SLC35F4: variants seen among roughly 807,000 people sequenced by gnomAD.
The protein encoded by SLC35F4 is chromosome 14 open reading frame 36.
A neutral mutation model predicts 44.2 loss-of-function variants in SLC35F4; 24 were observed. The observed-to-expected ratio is 0.54, with a 90% confidence interval of 0.39 to 0.76. The LOEUF (loss-of-function observed/expected upper bound fraction) is 0.76, where lower values mean the gene tolerates loss of function less well. Among genes scored for constraint, SLC35F4 ranks in the 30% least tolerant of loss-of-function variants. The probability of loss-of-function intolerance (pLI) is 0.00; values close to 1 mark genes in which losing one functional copy is unlikely to be tolerated. For missense variants in SLC35F4, 562 were observed against 586.1 expected, an observed-to-expected ratio of 0.96 and a Z score of 0.42; for synonymous variants, 238 against 223.6, an observed-to-expected ratio of 1.06 and a Z score of -0.57.
intron 1 of SLC35F4, among the ~76,000 whole-genome samples, chr14:57,817,719 G>A (rs538229187): frequency 2.6e-5 from 4 of 152,210 alleles, no homozygotes; most frequent in African/African-American, 9.6e-5. Context: ...TTCTGGCAAA[G>A]CCACCTGATT....
intron 1 of SLC35F4, among the ~76,000 whole-genome samples, chr14:57,977,272 G>A (rs949259085): frequency 3.3e-5 from 5 of 152,190 alleles, no homozygotes; most frequent in Non-Finnish European, 4.4e-5. Context: ...AAAGAGGACT[G>A]CAGCAGATGA....
chr14:57,842,187 G>GA (rs559229635), intron 1 of SLC35F4, among the ~76,000 whole-genome samples: 7 of 152,226 alleles, frequency 4.6e-5, no homozygotes, highest in Middle Eastern at 6.8e-3. Flanking sequence ...TAGGCTATTA[G>GA]AAAAAACTCA....
At chr14:57,880,611 G>T (rs191105294) in intron 1 of SLC35F4, among the ~76,000 whole-genome samples, 15 of 152,246 alleles carry the variant, frequency 9.9e-5, no homozygotes, top group Non-Finnish European at 2.1e-4. Context: ...TTTCTCTGAA[G>T]ATACAACATT....
At chr14:57,965,788 C>G (rs1353456970) in intron 1 of SLC35F4, among the ~76,000 whole-genome samples, 1 of 152,108 alleles carries the variant, frequency 6.6e-6, no homozygotes, top group Non-Finnish European at 1.5e-5. Context: ...GTCCATAAAC[C>G]TATTTGCCCT....
intron 1 of SLC35F4, among the ~76,000 whole-genome samples, chr14:57,763,756 G>A (rs2077176630): frequency 6.6e-6 from 1 of 152,060 alleles, no homozygotes; most frequent in Non-Finnish European, 1.5e-5. Flanking sequence ...TCCATATTAT[G>A]GTAGCTTGTA....
chr14:57,674,780 G>A (rs1027056011), intron 1 of SLC35F4, among the ~76,000 whole-genome samples: 10 of 152,022 alleles, frequency 6.6e-5, no homozygotes, highest in Admixed American at 5.2e-4. Flanking sequence ...GCATTTTCTT[G>A]AGCTGATTTC....
At chr14:57,648,451 C>T (rs1251334052) in intron 1 of SLC35F4, among the ~76,000 whole-genome samples, 1 of 152,056 alleles carries the variant, frequency 6.6e-6, no homozygotes, top group Non-Finnish European at 1.5e-5. Context: ...AATATGAAAA[C>T]AATATGTCAT....
chr14:57,813,062 G>A (rs1395370888), intron 1 of SLC35F4, among the ~76,000 whole-genome samples: 1 of 152,176 alleles, frequency 6.6e-6, no homozygotes, highest in Non-Finnish European at 1.5e-5. Context: ...CTTTTTCTCA[G>A]ATGAGGAAAC....
intron 1 of SLC35F4, among the ~76,000 whole-genome samples, chr14:57,944,778 AAAAAG>A (rs1889991889): frequency 6.6e-6 from 1 of 151,880 alleles, no homozygotes; most frequent in Admixed American, 6.6e-5. Context: ...AAAGAAAAGA[AAAAAG>A]AAAAGAAGAA....
intron 1 of SLC35F4, among the ~76,000 whole-genome samples, chr14:57,756,664 T>C (rs1456627066): frequency 6.6e-6 from 1 of 152,104 alleles, no homozygotes; most frequent in Non-Finnish European, 1.5e-5. Flanking sequence ...TCTGTTATTT[T>C]TGTTTTTTGA....
intron 1 of SLC35F4, among the ~76,000 whole-genome samples, chr14:57,687,766 G>A (rs937123991): frequency 3.3e-5 from 5 of 152,106 alleles, no homozygotes; most frequent in African/African-American, 1.2e-4. Context: ...AGGAACTAAT[G>A]AGCTATTAGT....
chr14:57,939,400 C>A lies in SLC35F4; in HGVS notation n.282+42513G>T, dbSNP rs527320533. Among the ~76,000 whole-genome samples the A allele has an allele frequency of 3.3e-5, 5 of 152,236 alleles. No homozygotes were observed. The East Asian group carries it at 9.7e-4, about 29-fold the overall frequency. On this transcript the variant is annotated intron_variant and non_coding_transcript_variant, in intron 1 of 1. Transcript: ENST00000556568. The stretch of plus-strand genomic sequence containing the variant: ...AGCCTGCCAGAGCAAAAGAGAAGAG[C>A]CACCAACTGTAGCCATCAATGTCAG...
At chr14:57,948,727 G>A (rs1890080974) in intron 1 of SLC35F4, among the ~76,000 whole-genome samples, 1 of 152,026 alleles carries the variant, frequency 6.6e-6, no homozygotes, top group Non-Finnish European at 1.5e-5. Context: ...GTTTTGATAA[G>A]TTGTGACACT....
chr14:57,902,714 GATGATAT>G (rs1889028905), intron 1 of SLC35F4, among the ~76,000 whole-genome samples: 1 of 152,204 alleles, frequency 6.6e-6, no homozygotes, highest in Admixed American at 6.5e-5. Context: ...AATTAAAAGA[GATGATAT>G]ATGTAAAGTG....
chr14:57,701,358 G>T (rs538815492), intron 1 of SLC35F4, among the ~76,000 whole-genome samples: 1 of 152,164 alleles, frequency 6.6e-6, no homozygotes, highest in Admixed American at 6.5e-5. Context: ...CTGCCTGAGG[G>T]TGTTTTACAG....
rs529010121 is a variant in SLC35F4, at chr14:57,684,165, C to T, written c.104-90041G>A. 2.6e-5 allele frequency among the ~76,000 whole-genome samples: 4 copies of T among 152,212 alleles called. 1 individual carries two copies. The highest frequency in any genetic ancestry group is 2.1e-4 in the South Asian group (1 of 4,822). ...TTCTCCCTTTCATACCCTCCCAGTG[C>T]CTTGGAGAGCTGAATGGGGTAGGGG... On this transcript the variant is annotated intron_variant, in intron 1 of 7. Transcript: ENST00000556826.
chr14:57,898,144 C>T (rs1431685264), intron 1 of SLC35F4, among the ~76,000 whole-genome samples: 1 of 152,086 alleles, frequency 6.6e-6, no homozygotes, highest in Non-Finnish European at 1.5e-5. Context: ...TTTATATAGT[C>T]AGGTTTTCCA....
At chr14:57,787,107 A>C (rs1054408251) in intron 1 of SLC35F4, among the ~76,000 whole-genome samples, 13 of 152,226 alleles carry the variant, frequency 8.5e-5, no homozygotes, top group African/African-American at 2.7e-4. Flanking sequence ...ACTCTTAGAA[A>C]TGTGAAATGC....
chr14:57,661,572 C>A (rs1181059613), intron 1 of SLC35F4, among the ~76,000 whole-genome samples: 3 of 152,154 alleles, frequency 2.0e-5, no homozygotes, highest in Non-Finnish European at 1.5e-5. Context: ...AGCAATCCAA[C>A]CCTACTGATA....
Sources: gnomAD v4.1 joint callset for allele counts (sites outside exome capture counted in the v4.1 genomes callset) on GRCh38, gnomAD v4.1.1 for gene constraint, MANE v1.5 for transcripts, NCBI Gene and HGNC (gene_info 2026-07-23, HGNC 2026-07-21) for gene names.